The following FMNL2 variants were observed in gnomAD, a reference collection of about 807,000 sequenced individuals.
FMNL2 encodes formin-like protein 2.
A neutral mutation model predicts 130.2 loss-of-function variants in FMNL2; 51 were observed. The observed-to-expected ratio is 0.39, with a 90% CI of 0.31 to 0.49. The LOEUF is 0.49. FMNL2 is among the 20% of genes least tolerant of loss of function. The pLI, the probability that FMNL2 is intolerant of heterozygous loss-of-function variation, is 0.85. For missense variants in FMNL2, 977 were observed against 1,316.2 expected (o/e 0.74, Z 3.99); for synonymous variants, 465 against 467.1 (o/e 1.00, Z 0.06).
chr2:152,515,708 C>T (rs549513615), intron 1 of FMNL2, among the ~76,000 whole-genome samples: 26 of 152,204 alleles, frequency 1.7e-4, no homozygotes, highest in African/African-American at 6.0e-4. Flanking sequence ...CCTTGTCCTC[C>T]GATTTCCTTC....
Position 152,542,794 on chromosome 2 carries a change from A to C in FMNL2, c.257A>C (p.Tyr86Ser). The C allele has an allele frequency of 6.2e-7, 1 of 1,614,034 alleles. No individual in the cohort carries two copies. The highest frequency in any genetic ancestry group is 8.5e-7 in the Non-Finnish European group (1 of 1,179,892). ...PHTYIQKLKG[Y>S]LDPAVTRKKF... The stretch of plus-strand genomic sequence containing the variant: ...ACATACATTCAAAAGCTCAAAGGCT[A>C]TCTGGATCCAGCTGTAACCAGGAAG... The change falls in exon 3 of 26, where the codon TAT becomes TCT. Residue 86 changes from tyrosine to serine, a missense_variant. Tyr to Ser is a moderately radical substitution (Grantham distance 144, BLOSUM62 -2). Around this residue, in one of 4 missense-constraint regions of FMNL2, gnomAD observed 117 missense variants for 134.9 expected, o/e 0.87. Transcript: ENST00000288670.
chr2:152,474,908 C>G (rs1386276382), intron 1 of FMNL2, among the ~76,000 whole-genome samples: 2 of 152,172 alleles, frequency 1.3e-5, no homozygotes, highest in Non-Finnish European at 2.9e-5. Flanking sequence ...ATTTTTATCA[C>G]TAAGTTGATT....
chr2:152,594,600 C>T (rs958137145), intron 9 of FMNL2, among the ~76,000 whole-genome samples: 5 of 152,196 alleles, frequency 3.3e-5, no homozygotes, highest in Non-Finnish European at 5.9e-5. Flanking sequence ...CTGTTAGTAC[C>T]ACCGCACGAG....
In FMNL2 at chr2:152,427,445, G is replaced by T. The variant is rs568859116; in HGVS notation, c.117+91725G>T. ...TCCTGTAGTCGCAGCTACTCGAGAGGCTGAGGCAGGAGAATCGCTTGAACC... is the reference window on the plus strand; with the variant it reads ...TCCTGTAGTCGCAGCTACTCGAGAGTCTGAGGCAGGAGAATCGCTTGAACC... On this transcript the variant is annotated intron_variant, in intron 1 of 25. Transcript: ENST00000288670. Among the ~76,000 whole-genome samples the T allele has an allele frequency of 3.9e-5, 6 of 152,282 alleles. No homozygotes were observed. In the South Asian group the frequency reaches 1.2e-3, roughly 32 times the overall value.
intron 1 of FMNL2, among the ~76,000 whole-genome samples, chr2:152,447,887 A>C (rs1222986542): frequency 6.6e-6 from 1 of 152,188 alleles, no homozygotes; most frequent in East Asian, 1.9e-4. Context: ...CCTGTGTATT[A>C]CCATATGATA....
chr2:152,560,776 C>A, intron 5 of FMNL2, 107 bp from the exon 6 acceptor site: 1 of 1,001,170 alleles, frequency 1.0e-6, no homozygotes, highest in Non-Finnish European at 1.4e-6. Context: ...CAAAGACTTT[C>A]CATACTAAGG....
At chr2:152,386,991 C>T (rs941394959) in intron 1 of FMNL2, among the ~76,000 whole-genome samples, 4 of 150,742 alleles carry the variant, frequency 2.7e-5, no homozygotes, top group African/African-American at 7.4e-5. Flanking sequence ...TCCTCCAAGA[C>T]GCTTGAGGAA....
intron 7 of FMNL2, among the ~76,000 whole-genome samples, chr2:152,576,485 G>A (rs772407224): frequency 9.2e-5 from 14 of 152,158 alleles, no homozygotes; most frequent in Non-Finnish European, 1.9e-4. Context: ...AAATAGCCCT[G>A]TGAGATCAAT....
chr2:152,546,539 G>C (rs553455432), intron 3 of FMNL2, among the ~76,000 whole-genome samples: 1 of 152,240 alleles, frequency 6.6e-6, no homozygotes, highest in South Asian at 2.1e-4. Flanking sequence ...CAACATTGGA[G>C]GTCCTATTTC....
chr2:152,436,571 TTC>T (rs1447426960), intron 1 of FMNL2, among the ~76,000 whole-genome samples: 1 of 152,194 alleles, frequency 6.6e-6, no homozygotes, highest in African/African-American at 2.4e-5. Context: ...GGTTGCATAT[TTC>T]TCTCTTTTTG....
intron 1 of FMNL2, among the ~76,000 whole-genome samples, chr2:152,440,812 G>A (rs1688011663): frequency 6.6e-6 from 1 of 152,192 alleles, no homozygotes; most frequent in South Asian, 2.1e-4. Context: ...AAATGAGGGA[G>A]GACTTTTGTG....
At chr2:152,646,021 C>A (rs1029827793) in intron 25 of FMNL2, among the ~76,000 whole-genome samples, 5 of 151,848 alleles carry the variant, frequency 3.3e-5, no homozygotes, top group African/African-American at 4.8e-5. Context: ...CTATTTTTTC[C>A]TTAAATTTAA....
At chr2:152,643,597 CCCA>C in intron 25 of FMNL2, 3 of 1,519,116 alleles carry the variant, frequency 2.0e-6, no homozygotes, top group Non-Finnish European at 2.6e-6. Flanking sequence ...TCTGTCAGGG[CCCA>C]CCAACATGCT....
chr2:152,404,635 A>C (rs1004034027), intron 1 of FMNL2, among the ~76,000 whole-genome samples: 2 of 152,204 alleles, frequency 1.3e-5, no homozygotes, highest in African/African-American at 4.8e-5. Context: ...GTTCTCCAGC[A>C]GAGTCCTAAT....
chr2:152,366,762 A>T (rs1464057151), intron 1 of FMNL2, among the ~76,000 whole-genome samples: 1 of 152,094 alleles, frequency 6.6e-6, no homozygotes, highest in Non-Finnish European at 1.5e-5. Context: ...GCCCAGGAGT[A>T]CAAGACCAGC....
At chr2:152,427,525 A>G (rs568646390) in intron 1 of FMNL2, among the ~76,000 whole-genome samples, 2 of 152,352 alleles carry the variant, frequency 1.3e-5, no homozygotes, top group Admixed American at 1.3e-4. Context: ...AGCCTAGGCG[A>G]TAGAGTGAGA....
intron 1 of FMNL2, among the ~76,000 whole-genome samples, chr2:152,345,444 T>C (rs1022161282): frequency 2.6e-5 from 4 of 152,354 alleles, no homozygotes; most frequent in African/African-American, 9.6e-5. Context: ...ATTTGCACCA[T>C]GGCAACACTC....
In FMNL2 at chr2:152,643,287, C is replaced by T. The variant is rs1306284947; in HGVS notation, c.3169+2373C>T. The T allele has an allele frequency of 1.4e-5, 17 of 1,256,358 alleles. No individual in the cohort carries two copies. The East Asian group carries it at 3.8e-4, about 28-fold the overall frequency. 77.8% of individuals were successfully genotyped at this position (1,256,358 alleles called of 1,614,324 possible). ...CTAACTTGAGTATATATTGCCTTCCCCCTTTCCTGCCCATCTTCCCCACCC... is the reference window on the plus strand; with the variant it reads ...CTAACTTGAGTATATATTGCCTTCCTCCTTTCCTGCCCATCTTCCCCACCC... On this transcript the variant is annotated intron_variant, in intron 25 of 25. Transcript: ENST00000288670.
At chr2:152,606,993 G>GTGTTT (rs2105844235) in intron 9 of FMNL2, among the ~76,000 whole-genome samples, 1 of 108,922 alleles carries the variant, frequency 9.2e-6, no homozygotes, top group South Asian at 3.2e-4. Context: ...AGCTATGGTC[G>GTGTTT]TTTTTTTTTT....
Sources: allele counts gnomAD v4.1 joint callset (sites outside exome capture counted in the v4.1 genomes callset), GRCh38; gene constraint gnomAD v4.1.1; regional missense constraint gnomAD v4.1.1; transcripts MANE v1.5; gene names NCBI Gene and HGNC (gene_info 2026-07-23, HGNC 2026-07-21).